Variants in GRM7 observed in about 807,000 individuals in gnomAD.
GRM7 encodes the protein metabotropic glutamate receptor 7.
GRM7 carries 35 observed loss-of-function variants against 84.5 expected under a neutral mutation model. The observed-to-expected ratio is 0.41, with a 90% confidence interval of 0.32 to 0.55. GRM7 has a LOEUF of 0.55. Ranked by LOEUF, GRM7 falls within the 20% of genes least tolerant of loss-of-function variation. The pLI is 0.19. For missense variants in GRM7, 1,003 were observed against 1,194.6 expected (o/e 0.84, Z 2.36); for synonymous variants, 487 against 455.1 (o/e 1.07, Z -0.89).
chr3:7,718,741 A>G (rs1279552055), intron 9 of GRM7, among the ~76,000 whole-genome samples: 1 of 152,184 alleles, frequency 6.6e-6, no homozygotes, highest in Non-Finnish European at 1.5e-5. Context: ...GAGGTGGTTG[A>G]CATATTGGCC....
chr3:7,449,207 G>A (rs1575352104), intron 5 of GRM7, among the ~76,000 whole-genome samples: 1 of 151,976 alleles, frequency 6.6e-6, no homozygotes, highest in Non-Finnish European at 1.5e-5. Context: ...CCAGTAAAAT[G>A]ATTCATGAAA....
At chr3:7,445,283 C>T (rs1416541530) in intron 5 of GRM7, among the ~76,000 whole-genome samples, 4 of 152,106 alleles carry the variant, frequency 2.6e-5, no homozygotes, top group Non-Finnish European at 5.9e-5. Context: ...TGTCCCTTTT[C>T]CCTGTGTGGA....
chr3:7,312,384 G>T (rs1700429896), intron 4 of GRM7, among the ~76,000 whole-genome samples: 2 of 152,046 alleles, frequency 1.3e-5, no homozygotes, highest in Non-Finnish European at 2.9e-5. Flanking sequence ...TCAAAAGGAA[G>T]GGAGGCAATC....
intron 9 of GRM7, among the ~76,000 whole-genome samples, chr3:7,701,801 T>C (rs930549962): frequency 1.3e-5 from 2 of 152,162 alleles, no homozygotes; most frequent in African/African-American, 4.8e-5. Flanking sequence ...CCTTCATGCA[T>C]TGAAAGCCTG....
intron 8 of GRM7, among the ~76,000 whole-genome samples, chr3:7,625,293 G>A (rs1203081015): frequency 2.0e-5 from 3 of 152,070 alleles, no homozygotes; most frequent in Admixed American, 6.5e-5. Flanking sequence ...AACAAGATTC[G>A]CTTGAGGAAG....
At chr3:7,646,413 C>G (rs113866983) in intron 8 of GRM7, among the ~76,000 whole-genome samples, 3 of 151,902 alleles carry the variant, frequency 2.0e-5, no homozygotes, top group Non-Finnish European at 2.9e-5. Flanking sequence ...AGGCTGGTCT[C>G]GAACTCCTGA....
intron 2 of GRM7, among the ~76,000 whole-genome samples, chr3:7,172,879 G>T (rs1695030415): frequency 6.6e-6 from 1 of 151,954 alleles, no homozygotes; most frequent in African/African-American, 2.4e-5. Flanking sequence ...CCACTGTCAA[G>T]AATATTGTTT....
intron 4 of GRM7, among the ~76,000 whole-genome samples, chr3:7,360,455 C>A (rs921860314): frequency 1.3e-5 from 2 of 151,894 alleles, no homozygotes; most frequent in African/African-American, 4.8e-5. Flanking sequence ...ATTGGGGTTA[C>A]CATAACAATT....
At chr3:6,986,207 C>CAAAAAT (rs776326571) in intron 1 of GRM7, among the ~76,000 whole-genome samples, 1 of 151,998 alleles carries the variant, frequency 6.6e-6, no homozygotes, top group Non-Finnish European at 1.5e-5. Flanking sequence ...ACCACAAAAA[C>CAAAAAT]AAAAATAAAA....
intron 4 of GRM7, among the ~76,000 whole-genome samples, chr3:7,398,434 C>A (rs1480723804): frequency 2.6e-5 from 4 of 152,106 alleles, no homozygotes; most frequent in African/African-American, 9.7e-5. Flanking sequence ...CAAACCTTAG[C>A]TTACTACAGG....
intron 9 of GRM7, among the ~76,000 whole-genome samples, chr3:7,710,926 G>T (rs116547340): frequency 0.017 from 2,609 of 152,176 alleles, 83 homozygotes; most frequent in African/African-American, 0.06. Flanking sequence ...TCAGCACTTC[G>T]CTTAGAGTCA....
At chr3:7,459,924 T>G (rs1015242068) in intron 6 of GRM7, among the ~76,000 whole-genome samples, 1 of 151,820 alleles carries the variant, frequency 6.6e-6, no homozygotes, top group Non-Finnish European at 1.5e-5. Context: ...TATACAGCCT[T>G]GTTTGTCTAG....
At chr3:7,371,907 GT>G (rs1470379564) in intron 4 of GRM7, among the ~76,000 whole-genome samples, 1 of 152,144 alleles carries the variant, frequency 6.6e-6, no homozygotes, top group Non-Finnish European at 1.5e-5. Flanking sequence ...GTGTAGACCA[GT>G]GTTCCGGAAC....
At chr3:7,656,554 C>G (rs1454999127) in intron 8 of GRM7, among the ~76,000 whole-genome samples, 1 of 143,148 alleles carries the variant, frequency 7.0e-6, no homozygotes. Context: ...CGCGCACACA[C>G]ACACACACAC....
chr3:7,484,013 A>C (rs919751403), intron 7 of GRM7, among the ~76,000 whole-genome samples: 2 of 152,208 alleles, frequency 1.3e-5, no homozygotes, highest in Non-Finnish European at 2.9e-5. Context: ...TCTGTTAAAA[A>C]AAATTTGGCT....
At chr3:7,393,041 G>T (rs911101814) in intron 4 of GRM7, among the ~76,000 whole-genome samples, 1 of 152,148 alleles carries the variant, frequency 6.6e-6, no homozygotes, top group African/African-American at 2.4e-5. Context: ...ACCAGAGAGG[G>T]CAGGCTACCA....
chr3:7,440,155 G>A (rs1697228935), intron 5 of GRM7, among the ~76,000 whole-genome samples: 1 of 152,164 alleles, frequency 6.6e-6, no homozygotes, highest in South Asian at 2.1e-4. Flanking sequence ...AAGCTTCAAA[G>A]GGAGGCATGA....
chr3:6,986,982 T>C (rs185540091), intron 1 of GRM7, among the ~76,000 whole-genome samples: 2 of 152,324 alleles, frequency 1.3e-5, no homozygotes, highest in African/African-American at 2.4e-5. Context: ...TTTTCCAAAA[T>C]TGGATCTTGG....
At chr3:7,127,019 A>G (rs1308199359) in intron 1 of GRM7, among the ~76,000 whole-genome samples, 1 of 152,266 alleles carries the variant, frequency 6.6e-6, no homozygotes, top group Non-Finnish European at 1.5e-5. Flanking sequence ...GCCAGTGGCC[A>G]GAATCATGAG....
Sources: gnomAD v4.1 joint callset for allele counts (sites outside exome capture counted in the v4.1 genomes callset) on GRCh38, gnomAD v4.1.1 for gene constraint, MANE v1.5 for transcripts, NCBI Gene and HGNC (gene_info 2026-07-23, HGNC 2026-07-21) for gene names.